The following LPP variants were observed in gnomAD, a reference collection of about 807,000 sequenced individuals.
The protein encoded by LPP is LIM domain containing preferred translocation partner in lipoma, also known as lipoma-preferred partner.
In LPP, 38 loss-of-function variants were observed where a neutral mutation model predicts 60.4. The observed-to-expected ratio is 0.63, with a 90% CI of 0.49 to 0.83. The LOEUF (loss-of-function observed/expected upper bound fraction) is 0.83, where lower values mean the gene tolerates loss of function less well. Ranked by LOEUF, LPP falls within the 40% of genes least tolerant of loss-of-function variation. The probability of loss-of-function intolerance (pLI) is 0.00; values close to 1 mark genes in which losing one functional copy is unlikely to be tolerated. For missense variants in LPP, 902 were observed against 783.6 expected (o/e 1.15, Z -1.80); for synonymous variants, 328 against 290.8 (o/e 1.13, Z -1.30).
intron 7 of LPP, among the ~76,000 whole-genome samples, chr3:188,667,007 A>C (rs1175232292): frequency 6.6e-6 from 1 of 152,122 alleles, no homozygotes; most frequent in African/African-American, 2.4e-5. Flanking sequence ...AAAAGTTATC[A>C]CTTTCTTAAG....
At chr3:188,842,609 T>C (rs1016236747) in intron 9 of LPP, among the ~76,000 whole-genome samples, 2 of 152,212 alleles carry the variant, frequency 1.3e-5, no homozygotes, top group African/African-American at 2.4e-5. Flanking sequence ...AACATTCATC[T>C]TTGTCAAATG....
At chr3:188,752,171 A>G (rs2150333418) in intron 8 of LPP, among the ~76,000 whole-genome samples, 1 of 152,330 alleles carries the variant, frequency 6.6e-6, no homozygotes, top group East Asian at 1.9e-4. Context: ...CAAGTATTTA[A>G]GGCAGTTATG....
At chr3:188,701,028 A>T (rs569328612) in intron 7 of LPP, among the ~76,000 whole-genome samples, 1 of 152,372 alleles carries the variant, frequency 6.6e-6, no homozygotes, top group Admixed American at 6.5e-5. Context: ...CAGAACTAAG[A>T]TTAAAGATAT....
chr3:188,284,257 C>T (rs1743156140), intron 2 of LPP, among the ~76,000 whole-genome samples: 2 of 151,952 alleles, frequency 1.3e-5, no homozygotes, highest in African/African-American at 4.8e-5. Flanking sequence ...CCAGGAGGAG[C>T]TCTTACAGAG....
At chr3:188,399,259 G>A (rs961464186) in intron 3 of LPP, among the ~76,000 whole-genome samples, 2 of 152,114 alleles carry the variant, frequency 1.3e-5, no homozygotes, top group Admixed American at 6.5e-5. Flanking sequence ...ATGGAGAGCC[G>A]TATAGCCCAG....
At chr3:188,254,979 C>T (rs1392919536) in intron 2 of LPP, among the ~76,000 whole-genome samples, 1 of 152,164 alleles carries the variant, frequency 6.6e-6, no homozygotes, top group South Asian at 2.1e-4. Flanking sequence ...TTACTCCTAC[C>T]TCATGCAAGG....
chr3:188,399,387 T>C (rs557070154), intron 3 of LPP, among the ~76,000 whole-genome samples: 4 of 152,134 alleles, frequency 2.6e-5, no homozygotes, highest in East Asian at 1.9e-4. Context: ...TTCAAAGTTA[T>C]AGGAGAGTGT....
chr3:188,687,775 C>CTCTTTTTTTTT (rs1360104383), intron 7 of LPP, among the ~76,000 whole-genome samples: 1 of 127,148 alleles, frequency 7.9e-6, no homozygotes, highest in East Asian at 2.1e-4. Context: ...GTCTTATACT[C>CTCTTTTTTTTT]TTTTTTTTTT....
chr3:188,394,839 A>G (rs1032626486), intron 3 of LPP, among the ~76,000 whole-genome samples: 1 of 152,172 alleles, frequency 6.6e-6, no homozygotes, highest in African/African-American at 2.4e-5. Context: ...CAAAATCTTG[A>G]AATAAAAGTG....
intron 2 of LPP, among the ~76,000 whole-genome samples, chr3:188,250,164 T>C (rs1560157440): frequency 6.6e-6 from 1 of 152,118 alleles, no homozygotes. Context: ...TAAGGTCAGG[T>C]AGTGCATTTA....
chr3:188,559,084 G>A (rs73194457), intron 6 of LPP, among the ~76,000 whole-genome samples: 29 of 152,156 alleles, frequency 1.9e-4, no homozygotes, highest in African/African-American at 6.7e-4. Context: ...CCTTGCCTCT[G>A]TCTAGGCCTT....
chr3:188,301,576 T>G (rs1208180396), intron 2 of LPP, among the ~76,000 whole-genome samples: 1 of 152,154 alleles, frequency 6.6e-6, no homozygotes, highest in African/African-American at 2.4e-5. Flanking sequence ...TATAATAAAT[T>G]AAAAATAATT....
chr3:188,575,799 A>C (rs1420231444), intron 6 of LPP, among the ~76,000 whole-genome samples: 1 of 152,152 alleles, frequency 6.6e-6, no homozygotes, highest in Non-Finnish European at 1.5e-5. Context: ...CATGCTGAGA[A>C]ATGGGTTCTC....
At chr3:188,272,660 G>T (rs1254402630) in intron 2 of LPP, among the ~76,000 whole-genome samples, 1 of 152,160 alleles carries the variant, frequency 6.6e-6, no homozygotes, top group Non-Finnish European at 1.5e-5. Context: ...GGATGCTGGG[G>T]TTCTGTGATA....
intron 7 of LPP, among the ~76,000 whole-genome samples, chr3:188,659,226 T>A (rs774136913): frequency 2.2e-4 from 33 of 152,220 alleles, no homozygotes; most frequent in Non-Finnish European, 3.8e-4. Flanking sequence ...TGGGACCTAA[T>A]GATCGTTGAA....
intron 4 of LPP, among the ~76,000 whole-genome samples, chr3:188,471,211 C>T (rs1008490482): frequency 2.0e-5 from 3 of 152,144 alleles, no homozygotes; most frequent in Non-Finnish European, 4.4e-5. Context: ...CTGTTTTGAT[C>T]ACTGTAGCTT....
chr3:188,709,229 C>T (rs1451410439), intron 8 of LPP: 1 of 152,050 alleles, frequency 6.6e-6, no homozygotes. Flanking sequence ...ATAACCTGTC[C>T]TCAGTGAGGT....
intron 8 of LPP, among the ~76,000 whole-genome samples, chr3:188,741,246 G>A (rs758433082): frequency 4.0e-5 from 6 of 151,242 alleles, no homozygotes; most frequent in Non-Finnish European, 7.4e-5. Context: ...TTTGAATTGG[G>A]GGGGGAAGGG....
chr3:188,201,868 C>T (rs1235050817), intron 1 of LPP, among the ~76,000 whole-genome samples: 1 of 152,070 alleles, frequency 6.6e-6, no homozygotes, highest in Non-Finnish European at 1.5e-5. Flanking sequence ...AGGGTCATCT[C>T]ATTCCTGTTG....
Sources: gnomAD v4.1 joint callset for allele counts (sites outside exome capture counted in the v4.1 genomes callset) on GRCh38, gnomAD v4.1.1 for gene constraint, MANE v1.5 for transcripts, NCBI Gene and HGNC (gene_info 2026-07-23, HGNC 2026-07-21) for gene names.